Variants in LAMA2 observed in about 807,000 individuals in gnomAD.
LAMA2 encodes the protein laminin subunit alpha 2.
A neutral mutation model predicts 364.8 loss-of-function variants in LAMA2; 269 were observed. The ratio of observed to expected loss-of-function variants is 0.74; its 90% CI spans 0.67 to 0.82. The LOEUF (loss-of-function observed/expected upper bound fraction) is 0.82. Ranked by LOEUF, LAMA2 falls within the 40% of genes least tolerant of loss-of-function variation. The pLI is 0.00. For synonymous variants in LAMA2, 1,379 were observed against 1,370.6 expected, an observed-to-expected ratio of 1.01 and a Z score of -0.14; for missense variants, 3,807 against 3,873.2, an observed-to-expected ratio of 0.98 and a Z score of 0.45.
At chr6:129,327,474 A>AT (rs1382654531) in intron 28 of LAMA2, among the ~76,000 whole-genome samples, 1 of 152,148 alleles carries the variant, frequency 6.6e-6, no homozygotes, top group African/African-American at 2.4e-5. Context: ...GATTTGAAAA[A>AT]CTGACTCCTA....
In LAMA2 at chr6:129,505,295, C is replaced by G; in HGVS notation, c.8643C>G (p.Val2881=). The G allele has an allele frequency of 6.2e-7, 1 of 1,613,768 alleles. No individual in the cohort carries two copies. The change falls in exon 61 of 65, where the codon GTC becomes GTG. Residue 2881 remains valine (V), a synonymous_variant. Transcript: ENST00000421865. ...CCAAAAAAGCCGACATCCTGGATGT[C>G]GTGGGAATGCTGTATGTTGGTGGGT... The part of the protein sequence containing the change: ...ISPKKADILD[V]VGMLYVGGLP...
chr6:129,149,187 A>G, intron 7 of LAMA2, 91 bp downstream of exon 7: 1 of 815,882 alleles, frequency 1.2e-6, no homozygotes, highest in Non-Finnish European at 2.2e-6. Flanking sequence ...CTGGTTATGC[A>G]AATGTGTCAA....
At chr6:129,231,109 T>C (rs73774772) in intron 12 of LAMA2, among the ~76,000 whole-genome samples, 1,606 of 152,178 alleles carry the variant, frequency 0.011, 19 homozygotes, top group African/African-American at 0.037. Flanking sequence ...CATTTCCTTC[T>C]TTTTTAGAAT....
intron 3 of LAMA2, among the ~76,000 whole-genome samples, chr6:129,077,940 T>A (rs979553784): frequency 6.6e-6 from 1 of 152,136 alleles, no homozygotes; most frequent in South Asian, 2.1e-4. Flanking sequence ...AGTATAATGA[T>A]GGGTACATGT....
intron 3 of LAMA2, among the ~76,000 whole-genome samples, chr6:129,095,665 C>T (rs1775130405): frequency 6.6e-6 from 1 of 150,452 alleles, no homozygotes; most frequent in Non-Finnish European, 1.5e-5. Context: ...AATCCCAACA[C>T]TTTGTGAGGC....
At chr6:129,307,680 G>A (rs974697268) in intron 22 of LAMA2, among the ~76,000 whole-genome samples, 3 of 152,100 alleles carry the variant, frequency 2.0e-5, no homozygotes, top group African/African-American at 7.2e-5. Context: ...AGTTGGTTGT[G>A]TACTTTAACA....
intron 12 of LAMA2, among the ~76,000 whole-genome samples, chr6:129,232,082 C>G (rs1784699141): frequency 6.6e-6 from 1 of 152,120 alleles, no homozygotes; most frequent in East Asian, 1.9e-4. Flanking sequence ...GCACAATAAC[C>G]TGAAAAATAT....
At chr6:129,492,285 A>T (rs1784908721) in intron 57 of LAMA2, 30 bp from the exon 58 acceptor site, 1 of 1,601,268 alleles carries the variant, frequency 6.2e-7, no homozygotes, top group South Asian at 1.1e-5. Flanking sequence ...AAACGAAAAT[A>T]AAAAAATCTT....
chr6:129,021,799 C>T (rs1160488495), intron 1 of LAMA2, among the ~76,000 whole-genome samples: 1 of 152,170 alleles, frequency 6.6e-6, no homozygotes. Flanking sequence ...CTGTGTTCCT[C>T]CACTTAAATA....
chr6:129,402,247 A>G, intron 38 of LAMA2, 77 bp from the exon 39 acceptor site: 11 of 990,678 alleles, frequency 1.1e-5, no homozygotes, highest in African/African-American at 1.6e-5. Flanking sequence ...ACGTGTAGTT[A>G]TGTCTCATAG....
intron 12 of LAMA2, among the ~76,000 whole-genome samples, chr6:129,228,446 C>T (rs1784469755): frequency 6.6e-6 from 1 of 152,098 alleles, no homozygotes; most frequent in Non-Finnish European, 1.5e-5. Context: ...TAGACTGGAG[C>T]TGTTCCTATT....
chr6:129,434,480 C>G (rs1473898608), intron 41 of LAMA2, among the ~76,000 whole-genome samples: 2 of 152,070 alleles, frequency 1.3e-5, no homozygotes, highest in East Asian at 3.9e-4. Context: ...GACTAGGCTT[C>G]TGTTATTGGG....
chr6:129,429,786 A>G (rs942086654), intron 41 of LAMA2, among the ~76,000 whole-genome samples: 5 of 152,198 alleles, frequency 3.3e-5, no homozygotes, highest in African/African-American at 1.2e-4. Flanking sequence ...GCAAGAACCA[A>G]TCCTGTCTTT....
intron 45 of LAMA2, among the ~76,000 whole-genome samples, chr6:129,448,279 TC>T (rs201985406): frequency 3.5e-5 from 5 of 144,458 alleles, no homozygotes; most frequent in East Asian, 2.0e-4. Context: ...AGAAACCCTG[TC>T]CCCCCCCAAA....
rs781341719 is a variant in LAMA2 at position 129,401,331 on chromosome 6, C to T, written c.5553C>T (p.Ser1851=). The T allele has an allele frequency of 6.3e-6, 10 of 1,580,426 alleles. No individual in the cohort carries two copies. In the Admixed American group the frequency reaches 6.7e-5, roughly 11 times the overall value. Residue 1851 remains serine (S), a synonymous_variant, in exon 38 of 65, where the codon TCC becomes TCT. Transcript: ENST00000421865. The part of the protein sequence containing the change: ...EANRLADEIN[S]IIDYVEDIQT... ...ACCGTCTTGCAGATGAAATCAACTC[C>T]ATCATAGACGTGAGTATTGGGTAAA...
At chr6:129,436,057 A>T (rs1047121529) in intron 41 of LAMA2, among the ~76,000 whole-genome samples, 3 of 152,214 alleles carry the variant, frequency 2.0e-5, no homozygotes, top group African/African-American at 7.2e-5. Flanking sequence ...TTGACAAATA[A>T]CATGAAGATA....
At chr6:129,201,963 G>A (rs1782316138) in intron 12 of LAMA2, among the ~76,000 whole-genome samples, 1 of 152,128 alleles carries the variant, frequency 6.6e-6, no homozygotes, top group Non-Finnish European at 1.5e-5. Context: ...GCCAAGGCAG[G>A]TGGATCACGA....
Position 129,440,917 on chromosome 6 carries a change from G to C in LAMA2, c.6187G>C (p.Asp2063His). Residue 2063 changes from aspartate to histidine, a missense_variant, in exon 43 of 65, where the codon GAT becomes CAT. Physicochemically the swap from Asp to His is moderately conservative, Grantham distance 81. Around this residue, in one of 3 missense-constraint regions of LAMA2, gnomAD observed 3,333 missense variants for 3,345.7 expected, o/e 1.00. Coordinates refer to ENST00000421865, the MANE Select transcript of LAMA2 (RefSeq NM_000426.4). ...AQITELHQNL[D>H]GLKKNYNKLA... is the part of the protein sequence containing the mutation. ...GATTACAGAGCTCCACCAGAACCTC[G>C]ATGGCCTGAAGAAGAATTACAATAA... 1 of 1,613,918 alleles carries C rather than the reference G, an allele frequency of 6.2e-7. No homozygotes were observed. The highest frequency in any genetic ancestry group is 2.2e-5 in the East Asian group (1 of 44,860).
intron 14 of LAMA2, among the ~76,000 whole-genome samples, chr6:129,253,302 A>G (rs1786398856): frequency 6.6e-6 from 1 of 152,212 alleles, no homozygotes; most frequent in African/African-American, 2.4e-5. Context: ...ACAACCCGGT[A>G]TACCTTTAAT....
Sources: gnomAD v4.1 joint callset for allele counts (sites outside exome capture counted in the v4.1 genomes callset) on GRCh38, gnomAD v4.1.1 for gene constraint, gnomAD v4.1.1 regional missense constraint, MANE v1.5 for transcripts, NCBI Gene and HGNC (gene_info 2026-07-23, HGNC 2026-07-21) for gene names.